Variants in RBFOX1 observed in about 807,000 individuals in gnomAD.
RBFOX1 encodes RNA binding protein fox-1 homolog 1.
A neutral mutation model predicts 57.7 loss-of-function variants in RBFOX1; 8 were observed. The observed-to-expected ratio is 0.14, with a 90% CI of 0.08 to 0.25. RBFOX1 has a LOEUF of 0.25. RBFOX1 is among the 10% of genes least tolerant of loss of function. The pLI is 1.00. For synonymous variants in RBFOX1, 326 were observed against 222.4 expected, an observed-to-expected ratio of 1.47 and a Z score of -4.15; for missense variants, 611 against 548.5, an observed-to-expected ratio of 1.11 and a Z score of -1.14.
At chr16:6,347,305 T>C (rs1180677906) in intron 2 of RBFOX1, among the ~76,000 whole-genome samples, 2 of 152,180 alleles carry the variant, frequency 1.3e-5, no homozygotes, top group South Asian at 2.1e-4. Context: ...ATCATCATCA[T>C]TGTCTCTCCT....
intron 1 of RBFOX1, among the ~76,000 whole-genome samples, chr16:6,299,649 C>T (rs1271169400): frequency 1.3e-5 from 2 of 152,142 alleles, no homozygotes; most frequent in Non-Finnish European, 2.9e-5. Flanking sequence ...ACAAGTCATT[C>T]CCCTTCTCAG....
At chr16:6,415,203 A>C (rs1245962373) in intron 2 of RBFOX1, among the ~76,000 whole-genome samples, 4 of 143,998 alleles carry the variant, frequency 2.8e-5, no homozygotes, top group East Asian at 4.2e-4. Flanking sequence ...AGACCATGCT[A>C]TTCACTCTAG....
intron 1 of RBFOX1, among the ~76,000 whole-genome samples, chr16:6,316,140 T>G (rs1405428186): frequency 1.3e-5 from 2 of 152,156 alleles, no homozygotes; most frequent in Non-Finnish European, 2.9e-5. Context: ...CTCTGCTACT[T>G]AAGTTTCTCC....
intron 5 of RBFOX1, among the ~76,000 whole-genome samples, chr16:7,525,697 A>C (rs1256991376): frequency 3.9e-5 from 6 of 152,152 alleles, no homozygotes; most frequent in Non-Finnish European, 8.8e-5. Flanking sequence ...GGAGAAGAAA[A>C]ATTGAGGTGT....
At chr16:5,309,987 T>G (rs149162123) in intron 1 of RBFOX1, among the ~76,000 whole-genome samples, 2 of 152,350 alleles carry the variant, frequency 1.3e-5, no homozygotes, top group East Asian at 3.9e-4. Flanking sequence ...CACTGTGAAC[T>G]GACAGGGAGC....
At chr16:7,405,473 C>G (rs896428590) in intron 4 of RBFOX1, among the ~76,000 whole-genome samples, 2 of 152,216 alleles carry the variant, frequency 1.3e-5, no homozygotes, top group African/African-American at 2.4e-5. Flanking sequence ...CTCTGGAACA[C>G]TCGGGCTGTT....
At chr16:7,559,201 A>G (rs575902054) in intron 5 of RBFOX1, among the ~76,000 whole-genome samples, 1 of 152,236 alleles carries the variant, frequency 6.6e-6, no homozygotes, top group Admixed American at 6.5e-5. Flanking sequence ...TCAATATAAA[A>G]GATCGAAAGT....
rs139963024 is a variant in RBFOX1, at chr16:7,352,113, T to A, written c.28-166034T>A. ...GCGGGGTGTATCATTTCCACTTGAT[T>A]GTCAAAGCACCCCACGGCAGAAACA... On this transcript the variant is annotated intron_variant, in intron 4 of 15. Coordinates refer to ENST00000550418, the MANE Select transcript of RBFOX1 (RefSeq NM_018723.4). Among the ~76,000 whole-genome samples, 6 of 152,236 alleles carry A rather than the reference T, an allele frequency of 3.9e-5. No homozygotes were observed. In the East Asian group the frequency reaches 5.8e-4, roughly 15 times the overall value.
At chr16:6,600,534 A>G (rs1052087473) in intron 2 of RBFOX1, among the ~76,000 whole-genome samples, 5 of 152,200 alleles carry the variant, frequency 3.3e-5, no homozygotes, top group African/African-American at 1.2e-4. Context: ...CTGGCCAGAG[A>G]CGAACGCTGT....
chr16:7,526,808 G>C lies in RBFOX1; in HGVS notation c.270+8419G>C, dbSNP rs77398917. Among the ~76,000 whole-genome samples, 144 of 152,278 alleles carry C rather than the reference G, an allele frequency of 9.5e-4. 4 individuals are homozygous for C. In the East Asian group the frequency reaches 0.025, roughly 27 times the overall value. ...AGTGTTATCGTCCCATGTTACAGAA[G>C]CAGAATCTAAGGCAAATCACTTACT... On this transcript the variant is annotated intron_variant, in intron 5 of 15. Coordinates refer to ENST00000550418, the MANE Select transcript of RBFOX1 (RefSeq NM_018723.4).
chr16:7,356,215 G>C (rs757744620), intron 4 of RBFOX1, among the ~76,000 whole-genome samples: 3 of 152,176 alleles, frequency 2.0e-5, no homozygotes, highest in Non-Finnish European at 4.4e-5. Flanking sequence ...ATACAGCACT[G>C]AATAGTGAGT....
At chr16:5,830,539 C>T (rs576855254) in intron 3 of RBFOX1, among the ~76,000 whole-genome samples, 1 of 152,234 alleles carries the variant, frequency 6.6e-6, no homozygotes, top group African/African-American at 2.4e-5. Flanking sequence ...GGGTTCACGT[C>T]CCAGCCAGAG....
intron 1 of RBFOX1, among the ~76,000 whole-genome samples, chr16:5,355,749 TGGTCCTGGATTTA>T (rs1320066862): frequency 6.6e-6 from 1 of 152,138 alleles, no homozygotes; most frequent in East Asian, 1.9e-4. Context: ...CAGGATGAGA[TGGTCCTGGATTTA>T]GGGTAAGCCC....
chr16:6,189,202 C>G (rs187649983), intron 1 of RBFOX1, among the ~76,000 whole-genome samples: 4 of 152,298 alleles, frequency 2.6e-5, no homozygotes, highest in East Asian at 1.9e-4. Flanking sequence ...GCTTTCATAG[C>G]AAATGTTACA....
intron 1 of RBFOX1, among the ~76,000 whole-genome samples, chr16:5,308,980 G>A (rs2064011586): frequency 6.6e-6 from 1 of 152,048 alleles, no homozygotes; most frequent in South Asian, 2.1e-4. Context: ...GTTCTTGAAG[G>A]GGATCAGCTT....
At chr16:6,517,040 C>G (rs1451180724) in intron 2 of RBFOX1, among the ~76,000 whole-genome samples, 2 of 152,084 alleles carry the variant, frequency 1.3e-5, no homozygotes, top group African/African-American at 2.4e-5. Flanking sequence ...AATGAATGTT[C>G]CTTTTAGCCT....
At chr16:7,048,885 A>C (rs552439284) in intron 3 of RBFOX1, among the ~76,000 whole-genome samples, 1 of 152,120 alleles carries the variant, frequency 6.6e-6, no homozygotes, top group African/African-American at 2.4e-5. Flanking sequence ...TAAGCAATCA[A>C]TCTTGTTGCA....
At chr16:6,772,158 G>A (rs533495507) in intron 3 of RBFOX1, among the ~76,000 whole-genome samples, 34 of 152,154 alleles carry the variant, frequency 2.2e-4, no homozygotes, top group African/African-American at 7.2e-4. Context: ...TGGTGGTTCC[G>A]GTGTGGGCAA....
chr16:6,862,629 C>T (rs12449240), intron 3 of RBFOX1, among the ~76,000 whole-genome samples: 30,670 of 151,990 alleles, frequency 0.2, 3,260 homozygotes, highest in East Asian at 0.28. Flanking sequence ...AAGTACAGGA[C>T]ACAAATGGAA....
Sources: gnomAD v4.1 joint callset for allele counts (sites outside exome capture counted in the v4.1 genomes callset) on GRCh38, gnomAD v4.1.1 for gene constraint, MANE v1.5 for transcripts, NCBI Gene and HGNC (gene_info 2026-07-23, HGNC 2026-07-21) for gene names.